The following GPR158 variants were observed in gnomAD, a reference collection of about 807,000 sequenced individuals.
GPR158 encodes the protein G protein-coupled receptor 158, also known as metabotropic glycine receptor.
GPR158 carries 30 observed loss-of-function variants against 78.2 expected under a neutral mutation model. The observed-to-expected ratio is 0.38, with a 90% CI of 0.29 to 0.52. The LOEUF is 0.52. Ranked by LOEUF, GPR158 falls within the 20% of genes least tolerant of loss-of-function variation. The pLI, the probability that GPR158 is intolerant of heterozygous loss-of-function variation, is 0.83. For missense variants in GPR158, 1,463 were observed against 1,523.5 expected (o/e 0.96, Z 0.66); for synonymous variants, 581 against 591.1 (o/e 0.98, Z 0.25).
At chr10:25,537,668 G>T (rs183656496) in intron 5 of GPR158, among the ~76,000 whole-genome samples, 3 of 152,008 alleles carry the variant, frequency 2.0e-5, no homozygotes, top group African/African-American at 7.2e-5. Flanking sequence ...TTGTGTCCCC[G>T]CCCAAATCTC....
intron 6 of GPR158, among the ~76,000 whole-genome samples, chr10:25,566,639 A>C (rs1836932731): frequency 6.6e-6 from 1 of 152,252 alleles, no homozygotes; most frequent in South Asian, 2.1e-4. Flanking sequence ...CAATATATTT[A>C]GAACCCAGTT....
chr10:25,383,628 A>G (rs1312795671), intron 2 of GPR158, among the ~76,000 whole-genome samples: 1 of 152,210 alleles, frequency 6.6e-6, no homozygotes, highest in African/African-American at 2.4e-5. Flanking sequence ...CAGGTGTGGG[A>G]CTTAATTGCA....
intron 4 of GPR158, among the ~76,000 whole-genome samples, chr10:25,423,855 G>C (rs1211593839): frequency 2.6e-5 from 4 of 152,188 alleles, no homozygotes; most frequent in African/African-American, 9.7e-5. Flanking sequence ...ACGTGTGCAT[G>C]TGTCTTTATA....
chr10:25,240,206 G>A (rs773266422), intron 2 of GPR158, among the ~76,000 whole-genome samples: 11 of 152,118 alleles, frequency 7.2e-5, no homozygotes, highest in Non-Finnish European at 1.6e-4. Flanking sequence ...TGCTCTGAAA[G>A]TTCAGAAAGA....
At chr10:25,445,937 A>G (rs1199138498) in intron 4 of GPR158, among the ~76,000 whole-genome samples, 1 of 152,184 alleles carries the variant, frequency 6.6e-6, no homozygotes. Flanking sequence ...AAGAACCTCT[A>G]GTTGGAGAAG....
At chr10:25,189,895 C>T (rs566522061) in intron 1 of GPR158, among the ~76,000 whole-genome samples, 4 of 130,964 alleles carry the variant, frequency 3.1e-5, no homozygotes, top group Non-Finnish European at 4.8e-5. Context: ...CCTGGAAGAA[C>T]AGAAAGAGGG....
chr10:25,318,986 A>G (rs1854904452), intron 2 of GPR158, among the ~76,000 whole-genome samples: 1 of 152,216 alleles, frequency 6.6e-6, no homozygotes, highest in Non-Finnish European at 1.5e-5. Flanking sequence ...TTGCTATACA[A>G]TTTGCAATCC....
At chr10:25,247,678 G>C (rs1225667540) in intron 2 of GPR158, among the ~76,000 whole-genome samples, 2 of 150,700 alleles carry the variant, frequency 1.3e-5, no homozygotes. Context: ...GTATTCCATG[G>C]TGTATATGTG....
chr10:25,303,143 G>A (rs1258502291), intron 2 of GPR158, among the ~76,000 whole-genome samples: 1 of 152,150 alleles, frequency 6.6e-6, no homozygotes, highest in Non-Finnish European at 1.5e-5. Flanking sequence ...ATTAACTCTT[G>A]GCGTGTTAAT....
chr10:25,382,128 G>A (rs117492867), intron 2 of GPR158, among the ~76,000 whole-genome samples: 1,599 of 152,298 alleles, frequency 0.01, 17 homozygotes, highest in Middle Eastern at 0.024. Flanking sequence ...TTTAGTGGAG[G>A]GGAGTGTTTC....
chr10:25,279,436 C>T (rs575738968), intron 2 of GPR158, among the ~76,000 whole-genome samples: 14 of 151,796 alleles, frequency 9.2e-5, no homozygotes, highest in East Asian at 3.9e-4. Flanking sequence ...GTGCACAGAC[C>T]GAGTCCAATG....
intron 4 of GPR158, among the ~76,000 whole-genome samples, chr10:25,456,090 A>C (rs1385176134): frequency 6.6e-6 from 1 of 152,156 alleles, no homozygotes; most frequent in Non-Finnish European, 1.5e-5. Context: ...AACCCTTTAT[A>C]GTCTACCTTT....
At chr10:25,348,396 G>GAC (rs34088676) in intron 2 of GPR158, among the ~76,000 whole-genome samples, 34,715 of 141,536 alleles carry the variant, frequency 0.25, 4,441 homozygotes, top group South Asian at 0.33. Context: ...TAGGAAGAAA[G>GAC]ACACACACAC....
At chr10:25,388,678 G>A (rs1834253441) in intron 2 of GPR158, among the ~76,000 whole-genome samples, 2 of 152,250 alleles carry the variant, frequency 1.3e-5, no homozygotes, top group African/African-American at 4.8e-5. Flanking sequence ...GGGCAGTGCT[G>A]TGCTCCATGG....
intron 1 of GPR158, among the ~76,000 whole-genome samples, chr10:25,190,972 G>T (rs553686758): frequency 6.6e-6 from 1 of 152,308 alleles, no homozygotes; most frequent in East Asian, 1.9e-4. Flanking sequence ...AAAGAAAGAT[G>T]AAGACTATGA....
chr10:25,254,066 G>C (rs1588760728), intron 2 of GPR158, among the ~76,000 whole-genome samples: 1 of 152,118 alleles, frequency 6.6e-6, no homozygotes, highest in Non-Finnish European at 1.5e-5. Context: ...TTCCCTTATG[G>C]ATCATTAAAG....
intron 5 of GPR158, among the ~76,000 whole-genome samples, chr10:25,523,944 C>CA (rs531372255): frequency 3.6e-4 from 55 of 150,948 alleles, no homozygotes; most frequent in Admixed American, 9.2e-4. Flanking sequence ...AAGGAATGCA[C>CA]AAAAAAAAGA....
At chr10:25,180,816 A>T (rs1023061931) in intron 1 of GPR158, among the ~76,000 whole-genome samples, 1 of 152,118 alleles carries the variant, frequency 6.6e-6, no homozygotes, top group African/African-American at 2.4e-5. Context: ...GGAGAGTCTC[A>T]TGCAGAGGAA....
chr10:25,326,108 C>T (rs993174613), intron 2 of GPR158, among the ~76,000 whole-genome samples: 8 of 152,102 alleles, frequency 5.3e-5, no homozygotes, highest in Non-Finnish European at 1.2e-4. Context: ...CTCTCCCTCC[C>T]CCTAACAGGC....
Sources: gnomAD v4.1 joint callset for allele counts (sites outside exome capture counted in the v4.1 genomes callset) on GRCh38, gnomAD v4.1.1 for gene constraint, MANE v1.5 for transcripts, NCBI Gene and HGNC (gene_info 2026-07-23, HGNC 2026-07-21) for gene names.